HS2ST1: variants seen among roughly 807,000 people sequenced by gnomAD.
HS2ST1 encodes 2-O-sulfotransferase.
A neutral mutation model predicts 42.9 loss-of-function variants in HS2ST1; 18 were observed. The observed-to-expected ratio is 0.42, with a 90% CI of 0.29 to 0.62. The LOEUF is 0.62. HS2ST1 is among the 20% of genes least tolerant of loss of function. The pLI is 0.21. For missense variants in HS2ST1, 334 were observed against 433.8 expected, an observed-to-expected ratio of 0.77 and a Z score of 2.04; for synonymous variants, 146 against 152.9, an observed-to-expected ratio of 0.95 and a Z score of 0.33.
At chr1:86,966,799 G>A (rs965530994) in intron 1 of HS2ST1, among the ~76,000 whole-genome samples, 3 of 151,800 alleles carry the variant, frequency 2.0e-5, no homozygotes, top group African/African-American at 7.3e-5. Context: ...TAAGAATACT[G>A]TTGCAGCTAC....
intron 1 of HS2ST1, among the ~76,000 whole-genome samples, chr1:86,916,845 CTG>C (rs1660169817): frequency 6.6e-6 from 1 of 152,078 alleles, no homozygotes; most frequent in Non-Finnish European, 1.5e-5. Flanking sequence ...TTGGAATTGT[CTG>C]GAGTTGATTT....
chr1:86,979,998 A>T (rs1396089485), intron 1 of HS2ST1, among the ~76,000 whole-genome samples: 2 of 152,218 alleles, frequency 1.3e-5, no homozygotes, highest in Non-Finnish European at 2.9e-5. Flanking sequence ...ATCTTGCTCA[A>T]TATAAAAGAC....
intron 1 of HS2ST1, among the ~76,000 whole-genome samples, chr1:86,991,378 C>G (rs951864891): frequency 6.6e-6 from 1 of 152,068 alleles, no homozygotes; most frequent in African/African-American, 2.4e-5. Context: ...AAGGAAAATG[C>G]GTACAGAAAA....
At chr1:87,013,247 G>A (rs555439903) in intron 1 of HS2ST1, among the ~76,000 whole-genome samples, 1 of 152,230 alleles carries the variant, frequency 6.6e-6, no homozygotes, top group Non-Finnish European at 1.5e-5. Context: ...ACCTCTGCCT[G>A]GAGATATCCA....
chr1:87,050,933 G>C (rs1428975342), intron 1 of HS2ST1, among the ~76,000 whole-genome samples: 1 of 152,120 alleles, frequency 6.6e-6, no homozygotes, highest in Non-Finnish European at 1.5e-5. Flanking sequence ...TGGAGCTTTA[G>C]CTTTGACTGT....
At chr1:87,038,964 A>G (rs984355542) in intron 1 of HS2ST1, among the ~76,000 whole-genome samples, 8 of 152,168 alleles carry the variant, frequency 5.3e-5, no homozygotes, top group Admixed American at 1.3e-4. Flanking sequence ...TTTCTATTGT[A>G]TACAATTGAA....
chr1:86,980,753 G>A (rs1307708311), intron 1 of HS2ST1, among the ~76,000 whole-genome samples: 1 of 151,934 alleles, frequency 6.6e-6, no homozygotes, highest in African/African-American at 2.4e-5. Flanking sequence ...CTTATTTTTG[G>A]TCAGTTTGCA....
chr1:87,085,202 A>T (rs532166112), intron 3 of HS2ST1, among the ~76,000 whole-genome samples: 11 of 152,134 alleles, frequency 7.2e-5, no homozygotes, highest in Non-Finnish European at 1.0e-4. Flanking sequence ...CACTAAAAAA[A>T]TTTTTTTTAT....
chr1:87,058,719 T>C (rs1275899662), intron 1 of HS2ST1, among the ~76,000 whole-genome samples: 1 of 151,666 alleles, frequency 6.6e-6, no homozygotes, highest in Admixed American at 6.6e-5. Flanking sequence ...TTCCGTAATG[T>C]TACCATATAG....
At chr1:87,084,705 C>T (rs1651773578) in intron 3 of HS2ST1, among the ~76,000 whole-genome samples, 1 of 151,996 alleles carries the variant, frequency 6.6e-6, no homozygotes, top group Non-Finnish European at 1.5e-5. Flanking sequence ...CCTTGGGCTA[C>T]CTTATTTTAG....
At chr1:86,956,005 A>G (rs1647666969) in intron 1 of HS2ST1, among the ~76,000 whole-genome samples, 1 of 152,206 alleles carries the variant, frequency 6.6e-6, no homozygotes, top group Non-Finnish European at 1.5e-5. Context: ...ATAAAATAAA[A>G]AAAGGAGAAA....
chr1:86,980,461 C>G (rs1202425079), intron 1 of HS2ST1, among the ~76,000 whole-genome samples: 1 of 150,564 alleles, frequency 6.6e-6, no homozygotes, highest in Non-Finnish European at 1.5e-5. Context: ...CTAGGATGAT[C>G]CAATTCATTG....
chr1:86,981,230 C>A (rs879279898), intron 1 of HS2ST1, among the ~76,000 whole-genome samples: 1 of 152,108 alleles, frequency 6.6e-6, no homozygotes, highest in Non-Finnish European at 1.5e-5. Flanking sequence ...GATTACAGGT[C>A]CCTCCCTCAA....
chr1:86,971,391 A>G (rs1476215440), intron 1 of HS2ST1, among the ~76,000 whole-genome samples: 1 of 152,160 alleles, frequency 6.6e-6, no homozygotes, highest in African/African-American at 2.4e-5. Context: ...TTCCAATAAA[A>G]CGGACCACCT....
intron 1 of HS2ST1, among the ~76,000 whole-genome samples, chr1:87,024,339 TA>T (rs1650029451): frequency 6.6e-6 from 1 of 151,910 alleles, no homozygotes; most frequent in South Asian, 2.1e-4. Context: ...CCGTCTCTAC[TA>T]AAAATACAAA....
intron 1 of HS2ST1, among the ~76,000 whole-genome samples, chr1:87,034,647 G>T (rs948067172): frequency 6.6e-6 from 1 of 152,122 alleles, no homozygotes; most frequent in East Asian, 1.9e-4. Flanking sequence ...AATTCTCTCA[G>T]TTGAGAAACT....
At chr1:86,995,671 A>G (rs908737866) in intron 1 of HS2ST1, among the ~76,000 whole-genome samples, 1 of 152,166 alleles carries the variant, frequency 6.6e-6, no homozygotes, top group Non-Finnish European at 1.5e-5. Flanking sequence ...TTCTTTCAAT[A>G]TCTATAGGAA....
chr1:87,092,306 T>G (rs1010623195), intron 3 of HS2ST1, among the ~76,000 whole-genome samples: 1 of 152,026 alleles, frequency 6.6e-6, no homozygotes, highest in Non-Finnish European at 1.5e-5. Flanking sequence ...CTCCTTTATC[T>G]TCAGACATAG....
At chr1:87,079,061 T>G (rs924281695) in intron 2 of HS2ST1, among the ~76,000 whole-genome samples, 1 of 152,180 alleles carries the variant, frequency 6.6e-6, no homozygotes, top group South Asian at 2.1e-4. Context: ...GTTACTCATA[T>G]TATTTCCTTG....
Sources: allele counts gnomAD v4.1 joint callset (sites outside exome capture counted in the v4.1 genomes callset), GRCh38; gene constraint gnomAD v4.1.1; transcripts MANE v1.5; gene names NCBI Gene and HGNC (gene_info 2026-07-23, HGNC 2026-07-21).